The following CKAP5 variants were observed in gnomAD, a reference collection of about 807,000 sequenced individuals.
The protein encoded by CKAP5 is cytoskeleton-associated protein 5.
CKAP5 carries 27 observed loss-of-function variants against 232.8 expected under a neutral mutation model. The ratio of observed to expected loss-of-function variants is 0.12; its 90% CI spans 0.09 to 0.16. CKAP5 has a LOEUF of 0.16. Ranked by LOEUF, CKAP5 falls within the 10% of genes least tolerant of loss-of-function variation. The probability of loss-of-function intolerance (pLI) is 1.00; values close to 1 mark genes in which losing one functional copy is unlikely to be tolerated. For missense variants in CKAP5, 1,838 were observed against 2,424.7 expected, an observed-to-expected ratio of 0.76 and a Z score of 5.08; for synonymous variants, 785 against 841.1, an observed-to-expected ratio of 0.93 and a Z score of 1.16.
chr11:46,785,175 T>C (rs887331841), intron 16 of CKAP5, among the ~76,000 whole-genome samples: 1 of 152,208 alleles, frequency 6.6e-6, no homozygotes, highest in Non-Finnish European at 1.5e-5. Flanking sequence ...TGGAAAATAA[T>C]TTAAAGATAT....
At position 46,754,930 on chromosome 11, in the gene CKAP5, C is replaced by G; in HGVS notation, c.4827G>C (p.Glu1609Asp). The change falls in exon 36 of 44, where the codon GAG (glutamate) becomes GAC (aspartate). Residue 1609 changes from glutamate (E) to aspartate (D), a missense_variant. Physicochemically the swap from Glu to Asp is conservative, Grantham distance 45. Transcript: ENST00000529230. ...TGATACAGCTATACAACTTGATGAT[C>G]TCGTCCTTCTCCAATTTCTCATCTG... Reference protein sequence around the residue: ...HMADEKLEKDEIIKLYSCIIG... With the variant: ...HMADEKLEKDDIIKLYSCIIG... 1 of 1,613,908 alleles carries G rather than the reference C, an allele frequency of 6.2e-7. No individual in the cohort carries two copies. The highest frequency in any genetic ancestry group is 8.5e-7 in the Non-Finnish European group (1 of 1,179,910).
At position 46,753,871 on chromosome 11, in the gene CKAP5, C is replaced by T. The variant is rs59593160; in HGVS notation, c.4870-374G>A. Among the ~76,000 whole-genome samples, 963 of 151,406 alleles carry T rather than the reference C, an allele frequency of 6.4e-3. 14 individuals carry two copies. Among genetic ancestry groups the T allele is most frequent in the African/African-American group, 0.022 (928 of 41,298 alleles). ...CCTCCTGAAGTGCTGGGATTACAGGCGTGAGCCACCGCGCCCGGCTATGTT... is the reference window on the plus strand; with the variant it reads ...CCTCCTGAAGTGCTGGGATTACAGGTGTGAGCCACCGCGCCCGGCTATGTT... On this transcript the variant is annotated intron_variant, in intron 36 of 43. Transcript: ENST00000529230.
Position 46,753,374 on chromosome 11 carries a change from T to A in CKAP5, c.4993A>T (p.Ile1665Phe), listed in dbSNP as rs763458372. 1.2e-6 allele frequency: 2 copies of A among 1,613,948 alleles called. No individual in the cohort carries two copies. Among genetic ancestry groups the A allele is most frequent in the South Asian group, 2.2e-5 (2 of 91,064 alleles). The change falls in exon 37 of 44, where the codon ATC becomes TTC. Residue 1665 changes from isoleucine to phenylalanine, a missense_variant. Physicochemically the swap from Ile to Phe is conservative, Grantham distance 21. Coordinates refer to ENST00000529230, the MANE Select transcript of CKAP5 (RefSeq NM_001008938.4). Reference protein sequence around the residue: ...IEDLEEGQQVIRSVNLLVVKV... With the variant: ...IEDLEEGQQVFRSVNLLVVKV... ...ACCACCAAGAGGTTCACAGAGCGGA[T>A]GACCTGTTGTCCTTCCTCAAGATCT...
intron 8 of CKAP5, 102 bp downstream of exon 8, chr11:46,807,929 T>C: frequency 1.3e-6 from 1 of 746,826 alleles, no homozygotes; most frequent in South Asian, 1.9e-5. Context: ...ATCAGTAATG[T>C]TCCTTAAGTG....
intron 1 of CKAP5, among the ~76,000 whole-genome samples, chr11:46,843,599 T>A (rs1940110807): frequency 6.6e-6 from 1 of 151,788 alleles, no homozygotes; most frequent in Admixed American, 6.6e-5. Context: ...GGCATGGTGA[T>A]GCACGTCTGT....
Position 46,743,769 on chromosome 11 carries a change from G to A in CKAP5, c.*254C>T. 2.0e-6 allele frequency: 1 copy of A among 500,772 alleles called. No individual in the cohort carries two copies. Among genetic ancestry groups the A allele is most frequent in the Non-Finnish European group, 3.6e-6 (1 of 276,720 alleles). The allele number at this position is 500,772 out of a possible 1,614,324, so 31.0% of individuals were successfully genotyped here. On this transcript the variant is annotated 3_prime_UTR_variant, in exon 44 of 44. Coordinates refer to ENST00000529230, the MANE Select transcript of CKAP5 (RefSeq NM_001008938.4). ...GAAAAGGATCTGGGAACTAGACTGA[G>A]CAGAGAGGGGGCAGCTGTTTACAAG...
At chr11:46,764,174 C>T (rs778755463) in intron 28 of CKAP5, among the ~76,000 whole-genome samples, 7 of 152,072 alleles carry the variant, frequency 4.6e-5, no homozygotes, top group Non-Finnish European at 1.0e-4. Flanking sequence ...AAAATTAATC[C>T]TACATATAAC....
intron 4 of CKAP5, 59 bp from the exon 5 acceptor site, chr11:46,811,237 A>C (rs1939267811): frequency 2.2e-6 from 3 of 1,362,238 alleles, no homozygotes; most frequent in Non-Finnish European, 3.1e-6. Context: ...ATAAAGCATT[A>C]GCTTTTCTTC....
chr11:46,801,754 T>C (rs147227534), intron 8 of CKAP5, among the ~76,000 whole-genome samples: 55 of 152,336 alleles, frequency 3.6e-4, no homozygotes, highest in African/African-American at 1.2e-3. Context: ...TCTTCTTTCA[T>C]TGTATCGAAT....
intron 37 of CKAP5, 63 bp from the exon 38 acceptor site, chr11:46,752,773 A>T: frequency 7.8e-7 from 1 of 1,287,010 alleles, no homozygotes. Flanking sequence ...TAGAATCAGC[A>T]GTTGAAAGGG....
At chr11:46,841,105 C>T (rs1044228970) in intron 1 of CKAP5, among the ~76,000 whole-genome samples, 2 of 151,966 alleles carry the variant, frequency 1.3e-5, no homozygotes, top group Non-Finnish European at 2.9e-5. Flanking sequence ...CCCGTCTCTA[C>T]TAAAAATACA....
intron 35 of CKAP5, among the ~76,000 whole-genome samples, chr11:46,757,309 C>A (rs59765933): frequency 2.7e-5 from 4 of 150,652 alleles, no homozygotes; most frequent in African/African-American, 7.3e-5. Flanking sequence ...CCTGGTCAAC[C>A]TGGTGAAACC....
At chr11:46,801,450 A>C (rs752586352) in intron 8 of CKAP5, 146 bp from the exon 9 acceptor site, 3 of 557,262 alleles carry the variant, frequency 5.4e-6, no homozygotes, top group Non-Finnish European at 3.3e-6. Context: ...TGGGTGGACC[A>C]CCTGAGGTCA....
At position 46,743,816 on chromosome 11, in the gene CKAP5, C is replaced by T. The variant is rs1007131948; in HGVS notation, c.*207G>A. 14 of 614,910 alleles carry T rather than the reference C, an allele frequency of 2.3e-5. No homozygotes were observed. Among genetic ancestry groups the T allele is most frequent in the African/African-American group, 7.4e-5 (4 of 54,064 alleles). 38.1% of individuals were successfully genotyped at this position (614,910 alleles called of 1,614,324 possible). A position where few individuals can be genotyped will look rare whatever the true frequency, so the allele number is the denominator to read the frequency against. On this transcript the variant is annotated 3_prime_UTR_variant, in exon 44 of 44. Transcript: ENST00000529230. ...CAAGTCTGTACACTAAACTCATCCA[C>T]GGACAGTCTTCTAGAGCAGCAGGAC...
At chr11:46,758,587 T>G (rs956448624) in intron 35 of CKAP5, among the ~76,000 whole-genome samples, 1 of 152,040 alleles carries the variant, frequency 6.6e-6, no homozygotes, top group Non-Finnish European at 1.5e-5. Context: ...TCCCAGCTAC[T>G]CAGGAAGCTG....
chr11:46,838,864 A>T (rs865867136), intron 1 of CKAP5, among the ~76,000 whole-genome samples: 3 of 150,236 alleles, frequency 2.0e-5, no homozygotes, highest in South Asian at 4.2e-4. Context: ...ATATAAAAAT[A>T]AAAAAAAATA....
chr11:46,820,388 T>C (rs1449856863), intron 2 of CKAP5, among the ~76,000 whole-genome samples: 1 of 152,182 alleles, frequency 6.6e-6, no homozygotes, highest in Non-Finnish European at 1.5e-5. Flanking sequence ...ATTTCTACTC[T>C]ACATAGGTAG....
chr11:46,754,564 T>G (rs2065096133), intron 36 of CKAP5, among the ~76,000 whole-genome samples: 1 of 152,214 alleles, frequency 6.6e-6, no homozygotes, highest in South Asian at 2.1e-4. Context: ...CAATGTATAC[T>G]GATCAAACCA....
At chr11:46,833,952 C>T (rs1395392218) in intron 1 of CKAP5, among the ~76,000 whole-genome samples, 1 of 152,016 alleles carries the variant, frequency 6.6e-6, no homozygotes, top group Non-Finnish European at 1.5e-5. Context: ...TCACTGCAAC[C>T]TCTGCCTCCT....
Sources: gnomAD v4.1 joint callset for allele counts (sites outside exome capture counted in the v4.1 genomes callset) on GRCh38, gnomAD v4.1.1 for gene constraint, MANE v1.5 for transcripts, NCBI Gene and HGNC (gene_info 2026-07-23, HGNC 2026-07-21) for gene names.